The following PDILT variants were observed in gnomAD, a reference collection of about 807,000 sequenced individuals.
The protein encoded by PDILT is protein disulfide isomerase like, testis expressed, also known as protein disulfide-isomerase-like protein of the testis.
PDILT carries 43 observed loss-of-function variants against 53.7 expected under a neutral mutation model. That is an observed-to-expected ratio of 0.80 (90% CI 0.63 to 1.03). The LOEUF (loss-of-function observed/expected upper bound fraction) is 1.03. Ranked by LOEUF, PDILT falls within the 50% of genes least tolerant of loss-of-function variation. The pLI, the probability that PDILT is intolerant of heterozygous loss-of-function variation, is 0.00. For missense variants in PDILT, 727 were observed against 712.3 expected, an observed-to-expected ratio of 1.02 and a Z score of -0.24; for synonymous variants, 282 against 274.2, an observed-to-expected ratio of 1.03 and a Z score of -0.28.
chr16:20,390,097 A>C (rs139620145), intron 2 of PDILT, among the ~76,000 whole-genome samples: 4 of 152,256 alleles, frequency 2.6e-5, no homozygotes, highest in African/African-American at 9.6e-5. Flanking sequence ...AGCATGAAAA[A>C]AATATTCTGA....
chr16:20,360,275 C>G (rs909976613), intron 11 of PDILT, among the ~76,000 whole-genome samples: 1 of 152,174 alleles, frequency 6.6e-6, no homozygotes, highest in African/African-American at 2.4e-5. Context: ...AGGGCAGAAT[C>G]CCACCAAGAC....
chr16:20,400,638 C>T (rs1966728334), intron 1 of PDILT, among the ~76,000 whole-genome samples: 1 of 151,916 alleles, frequency 6.6e-6, no homozygotes, highest in African/African-American at 2.4e-5. Flanking sequence ...TGAATATGTA[C>T]AAAAATAGAG....
At chr16:20,401,970 C>T (rs1406563904) in intron 1 of PDILT, among the ~76,000 whole-genome samples, 1 of 152,242 alleles carries the variant, frequency 6.6e-6, no homozygotes, top group African/African-American at 2.4e-5. Flanking sequence ...GGAGATCAAG[C>T]CCCACTGGCT....
At position 20,373,064 on chromosome 16, in the gene PDILT, T is replaced by A; in HGVS notation, c.740A>T (p.Asn247Ile). Residue 247 changes from asparagine (N) to isoleucine (I), a missense_variant, in exon 6 of 12, where the codon AAT becomes ATT. By Grantham distance (149) the Asn-to-Ile change is moderately radical. Transcript: ENST00000302451. Reference protein sequence around the residue: ...INDSTNKQELNRVIKQHLTDF... With the variant: ...INDSTNKQELIRVIKQHLTDF... Reference sequence around the variant, plus strand: ...TGTAAGGTGCTGTTTTATGACACGATTGAGTTCCTGTTTGTTGGTACTGTC... The same window carrying A: ...TGTAAGGTGCTGTTTTATGACACGAATGAGTTCCTGTTTGTTGGTACTGTC... 6.2e-7 allele frequency: 1 copy of A among 1,614,150 alleles called. No individual in the cohort carries two copies. Among genetic ancestry groups the A allele is most frequent in the Non-Finnish European group, 8.5e-7 (1 of 1,180,004 alleles).
At chr16:20,399,390 C>G (rs1966702957) in intron 1 of PDILT, 83 bp from the exon 2 acceptor site, 1 of 1,452,668 alleles carries the variant, frequency 6.9e-7, no homozygotes, top group Non-Finnish European at 9.5e-7. Flanking sequence ...CCTTGTCCAG[C>G]TGGTCCATGT....
intron 1 of PDILT, among the ~76,000 whole-genome samples, chr16:20,399,780 C>A (rs1966707017): frequency 6.6e-6 from 1 of 150,436 alleles, no homozygotes. Context: ...AAGCTCACTA[C>A]CTGCAGTGTA....
chr16:20,397,025 G>A (rs772883210), intron 2 of PDILT, among the ~76,000 whole-genome samples: 1 of 152,206 alleles, frequency 6.6e-6, no homozygotes, highest in Non-Finnish European at 1.5e-5. Context: ...GATAGTGGAA[G>A]CCAACATCTT....
At chr16:20,369,462 T>C (rs1323172435) in intron 8 of PDILT, 30 bp downstream of exon 8, 2 of 1,591,906 alleles carry the variant, frequency 1.3e-6, no homozygotes, top group East Asian at 2.2e-5. Flanking sequence ...TTTGAGGTTC[T>C]GGATAAACCT....
chr16:20,359,662 A>C, intron 11 of PDILT, 95 bp from the exon 12 acceptor site: 1 of 1,234,850 alleles, frequency 8.1e-7, no homozygotes, highest in Non-Finnish European at 1.1e-6. Flanking sequence ...TGGTTGTAAT[A>C]GTCAAGCCTA....
At chr16:20,375,198 C>T (rs1184888698) in intron 4 of PDILT, among the ~76,000 whole-genome samples, 6 of 152,164 alleles carry the variant, frequency 3.9e-5, no homozygotes, top group East Asian at 1.9e-4. Flanking sequence ...TAAATGTGAC[C>T]TTTTCCAATC....
At chr16:20,372,760 C>A (rs1044049556) in intron 7 of PDILT, 42 bp downstream of exon 7, 1 of 1,598,394 alleles carries the variant, frequency 6.3e-7, no homozygotes, top group African/African-American at 1.3e-5. Flanking sequence ...GTCTTGGATC[C>A]TCATCCAGGA....
intron 2 of PDILT, among the ~76,000 whole-genome samples, chr16:20,394,121 T>G (rs1210616690): frequency 6.6e-6 from 1 of 151,396 alleles, no homozygotes; most frequent in Non-Finnish European, 1.5e-5. Context: ...CACTAGGGGG[T>G]CTTGGCATGA....
chr16:20,378,573 G>A (rs1258906799), intron 3 of PDILT, among the ~76,000 whole-genome samples: 2 of 151,992 alleles, frequency 1.3e-5, no homozygotes, highest in Admixed American at 1.3e-4. Context: ...TAAGCCCCGC[G>A]TGCATTAGGT....
At chr16:20,360,996 G>T (rs1016921364) in intron 10 of PDILT, among the ~76,000 whole-genome samples, 2 of 152,110 alleles carry the variant, frequency 1.3e-5, no homozygotes, top group African/African-American at 4.8e-5. Flanking sequence ...TACCTACCTC[G>T]TAGGGTTGTT....
At position 20,399,185 on chromosome 16, in the gene PDILT, A is replaced by G. The variant is rs1328943472; in HGVS notation, c.116T>C (p.Ile39Thr). The G allele has an allele frequency of 4.3e-6, 7 of 1,614,026 alleles. No homozygotes were observed. The highest frequency in any genetic ancestry group is 5.9e-6 in the Non-Finnish European group (7 of 1,180,030). Reference sequence around the variant, plus strand: ...CACTAGGAGACTGCGTTCCTCCAGGATGTGCACAGGCTTGGTTATGTGGAT... The same window carrying G: ...CACTAGGAGACTGCGTTCCTCCAGGGTGTGCACAGGCTTGGTTATGTGGAT... ...SSIHITKPVH[I>T]LEERSLLVLT... The change falls in exon 2 of 12, where the codon ATC becomes ACC. Residue 39 changes from isoleucine (I) to threonine (T), a missense_variant. Ile to Thr is a moderately conservative substitution (Grantham distance 89). Coordinates refer to ENST00000302451, the MANE Select transcript of PDILT (RefSeq NM_174924.2).
chr16:20,402,145 A>G (rs1966749704), intron 1 of PDILT, among the ~76,000 whole-genome samples: 1 of 152,252 alleles, frequency 6.6e-6, no homozygotes, highest in Non-Finnish European at 1.5e-5. Context: ...TGCTAGGGAT[A>G]CAAACAATAT....
chr16:20,365,611 A>C, intron 8 of PDILT, 71 bp from the exon 9 acceptor site: 1 of 1,548,240 alleles, frequency 6.5e-7, no homozygotes, highest in Non-Finnish European at 8.8e-7. Context: ...CCCCACCTTG[A>C]TTGGAAACCA....
intron 3 of PDILT, among the ~76,000 whole-genome samples, chr16:20,378,636 A>G (rs1239960458): frequency 1.3e-5 from 2 of 151,886 alleles, no homozygotes; most frequent in African/African-American, 2.4e-5. Context: ...ACAGGCCCCA[A>G]TGTGTGATGT....
chr16:20,363,104 GAAAAAGAAAAAGAAAAC>G (rs1567318536), intron 9 of PDILT, among the ~76,000 whole-genome samples: 2 of 140,226 alleles, frequency 1.4e-5, no homozygotes, highest in African/African-American at 2.6e-5. Context: ...AAGAAAGAAA[GAAAAAGAAAAAGAAAAC>G]AAAAAGAAAA....
Sources: gnomAD v4.1 joint callset for allele counts (sites outside exome capture counted in the v4.1 genomes callset) on GRCh38, gnomAD v4.1.1 for gene constraint, MANE v1.5 for transcripts, NCBI Gene and HGNC (gene_info 2026-07-23, HGNC 2026-07-21) for gene names.